PTPRQ: variants seen among roughly 807,000 people sequenced by gnomAD.
PTPRQ encodes the protein phosphatidylinositol phosphatase PTPRQ.
A neutral mutation model predicts 246.0 loss-of-function variants in PTPRQ; 199 were observed. The ratio of observed to expected loss-of-function variants is 0.81; its 90% CI spans 0.72 to 0.91. The LOEUF is 0.91. Among genes scored for constraint, PTPRQ ranks in the 40% least tolerant of loss-of-function variants. The probability of loss-of-function intolerance (pLI) is 0.00; values close to 1 mark genes in which losing one functional copy is unlikely to be tolerated. For synonymous variants in PTPRQ, 869 were observed against 853.2 expected, an observed-to-expected ratio of 1.02 and a Z score of -0.32; for missense variants, 2,624 against 2,528.4, an observed-to-expected ratio of 1.04 and a Z score of -0.81.
chr12:80,531,822 A>T (rs772467243), intron 17 of PTPRQ, among the ~76,000 whole-genome samples: 32 of 152,268 alleles, frequency 2.1e-4, no homozygotes, highest in African/African-American at 7.0e-4. Context: ...TCTGAAAAAA[A>T]TTTTTTTAGC....
At chr12:80,598,942 A>G (rs1898055028) in intron 26 of PTPRQ, among the ~76,000 whole-genome samples, 2 of 152,040 alleles carry the variant, frequency 1.3e-5, no homozygotes, top group Non-Finnish European at 2.9e-5. Flanking sequence ...GGATCTGCAG[A>G]TGGCAAAGTT....
chr12:80,576,308 A>C (rs1408961501), intron 25 of PTPRQ, among the ~76,000 whole-genome samples: 1 of 151,972 alleles, frequency 6.6e-6, no homozygotes, highest in Non-Finnish European at 1.5e-5. Context: ...CACCCAGCTA[A>C]TTTTTATATT....
chr12:80,519,261 G>A (rs1464088732), intron 17 of PTPRQ, among the ~76,000 whole-genome samples: 1 of 151,974 alleles, frequency 6.6e-6, no homozygotes, highest in Non-Finnish European at 1.5e-5. Context: ...TGAATCTTGA[G>A]TTATTAACTG....
Position 80,449,197 on chromosome 12 carries a change from C to T in PTPRQ, c.390+3480C>T, listed in dbSNP as rs796821908. Among the ~76,000 whole-genome samples the T allele has an allele frequency of 4.9e-3, 735 of 151,356 alleles. 2 individuals carry two copies. The highest frequency in any genetic ancestry group is 0.012 in the South Asian group (58 of 4,760). On this transcript the variant is annotated intron_variant, in intron 3 of 44. Coordinates refer to ENST00000644991, the MANE Select transcript of PTPRQ (RefSeq NM_001145026.2). ...TCTTTTGAGAAGTGTCTGTTCATGT[C>T]CTTCACCCACTTTTTGATGGGGTTG...
At chr12:80,673,927 C>T (rs1338536469) in intron 43 of PTPRQ, among the ~76,000 whole-genome samples, 2 of 152,080 alleles carry the variant, frequency 1.3e-5, no homozygotes, top group Non-Finnish European at 2.9e-5. Flanking sequence ...GTTCCAGGAG[C>T]TATACTAGAC....
intron 17 of PTPRQ, among the ~76,000 whole-genome samples, chr12:80,524,764 G>A (rs1295275300): frequency 6.6e-6 from 1 of 151,884 alleles, no homozygotes; most frequent in Non-Finnish European, 1.5e-5. Context: ...TTTTATAGTT[G>A]TGGAAATGTT....
chr12:80,591,217 C>A (rs1462281089), intron 26 of PTPRQ, among the ~76,000 whole-genome samples: 6 of 150,304 alleles, frequency 4.0e-5, no homozygotes, highest in Admixed American at 4.0e-4. Context: ...CCTCGACCTC[C>A]TGGGCTCAAG....
chr12:80,621,310 A>G (rs1347368063), intron 32 of PTPRQ, among the ~76,000 whole-genome samples: 1 of 151,978 alleles, frequency 6.6e-6, no homozygotes. Flanking sequence ...TCATATTTAT[A>G]GTTTATTTAT....
At chr12:80,480,920 T>A (rs1894024008) in intron 8 of PTPRQ, among the ~76,000 whole-genome samples, 1 of 152,116 alleles carries the variant, frequency 6.6e-6, no homozygotes. Flanking sequence ...ACCGGATGGA[T>A]TCACAGCCGA....
In PTPRQ at chr12:80,620,291, A is replaced by C; in HGVS notation, c.5527A>C (p.Ile1843Leu). Residue 1843 changes from isoleucine to leucine, a missense_variant, in exon 32 of 45, where the codon ATC (isoleucine) becomes CTC (leucine). Physicochemically the swap from Ile to Leu is conservative, Grantham distance 5. Transcript: ENST00000644991. The stretch of plus-strand genomic sequence containing the variant: ...GTTTAGTGGCAATGAAGAAATCTAC[A>C]TCATAGGTGCTGATAATGCATGCAT... ...TKFSGNEEIYIIGADNACMIP... is the reference protein window; with the variant it reads ...TKFSGNEEIYLIGADNACMIP... 1 of 1,549,642 alleles carries C rather than the reference A, an allele frequency of 6.5e-7. No individual in the cohort carries two copies. Among genetic ancestry groups the C allele is most frequent in the East Asian group, 2.4e-5 (1 of 40,822 alleles).
intron 14 of PTPRQ, among the ~76,000 whole-genome samples, chr12:80,497,483 G>T (rs189313091): frequency 5.9e-5 from 9 of 152,150 alleles, no homozygotes; most frequent in Admixed American, 5.2e-4. Context: ...CACCTGCTGT[G>T]TGGCCCAGTT....
chr12:80,611,159 A>G (rs1311724298), intron 28 of PTPRQ, among the ~76,000 whole-genome samples: 1 of 150,448 alleles, frequency 6.6e-6, no homozygotes, highest in Non-Finnish European at 1.5e-5. Flanking sequence ...CAGAATACAT[A>G]CAGATTTCCT....
At chr12:80,450,691 T>C (rs1012189324) in intron 3 of PTPRQ, among the ~76,000 whole-genome samples, 4 of 152,194 alleles carry the variant, frequency 2.6e-5, no homozygotes, top group Middle Eastern at 3.4e-3. Flanking sequence ...TATTGATTTG[T>C]GTATATTGAA....
intron 17 of PTPRQ, among the ~76,000 whole-genome samples, chr12:80,523,196 G>A (rs1372099302): frequency 6.6e-6 from 1 of 152,094 alleles, no homozygotes; most frequent in East Asian, 1.9e-4. Context: ...ATTTCTGTGG[G>A]ATCGGTGGTG....
intron 10 of PTPRQ, among the ~76,000 whole-genome samples, chr12:80,494,476 C>A (rs1009660161): frequency 6.6e-5 from 10 of 151,920 alleles, no homozygotes; most frequent in African/African-American, 2.4e-4. Context: ...TTACTAAAAC[C>A]TGGTATTGAT....
At chr12:80,614,395 A>G (rs562458233) in intron 29 of PTPRQ, among the ~76,000 whole-genome samples, 1 of 150,912 alleles carries the variant, frequency 6.6e-6, no homozygotes, top group Admixed American at 6.6e-5. Context: ...CTTTTAGATC[A>G]TCTTGAAATT....
intron 17 of PTPRQ, among the ~76,000 whole-genome samples, chr12:80,532,466 C>T (rs1195988865): frequency 6.6e-6 from 1 of 152,124 alleles, no homozygotes; most frequent in Admixed American, 6.5e-5. Context: ...AGTGATCCAA[C>T]CGCCTTGGTC....
At chr12:80,624,584 C>A (rs1055812464) in intron 33 of PTPRQ, among the ~76,000 whole-genome samples, 1 of 152,178 alleles carries the variant, frequency 6.6e-6, no homozygotes, top group Non-Finnish European at 1.5e-5. Context: ...ACCCCTGGAG[C>A]AGAATTCCTC....
intron 3 of PTPRQ, among the ~76,000 whole-genome samples, chr12:80,457,242 A>G (rs1366609719): frequency 6.6e-6 from 1 of 152,040 alleles, no homozygotes; most frequent in Non-Finnish European, 1.5e-5. Flanking sequence ...AATAATTGTA[A>G]TGTCTTTTAT....
Sources: gnomAD v4.1 joint callset for allele counts (sites outside exome capture counted in the v4.1 genomes callset) on GRCh38, gnomAD v4.1.1 for gene constraint, MANE v1.5 for transcripts, NCBI Gene and HGNC (gene_info 2026-07-23, HGNC 2026-07-21) for gene names.